KYNU: variants seen among roughly 807,000 people sequenced by gnomAD.
The protein encoded by KYNU is kynureninase, also known as L-kynurenine hydrolase.
Under a neutral mutation model 59.2 loss-of-function variants are expected in KYNU, and 54 were observed. That is an observed-to-expected ratio of 0.91 (90% CI 0.73 to 1.14). The LOEUF is 1.14. KYNU is among the 50% of genes most tolerant of loss of function. KYNU has a pLI of 0.00. For synonymous variants in KYNU, 177 were observed against 192.0 expected (o/e 0.92, Z 0.65); for missense variants, 567 against 554.4 (o/e 1.02, Z -0.23).
chr2:142,926,717 G>A (rs1041184241), intron 3 of KYNU, among the ~76,000 whole-genome samples: 4 of 152,198 alleles, frequency 2.6e-5, no homozygotes, highest in Non-Finnish European at 4.4e-5. Flanking sequence ...ACACAGACTC[G>A]TCTATGAGTT....
chr2:143,024,725 C>T (rs145464901), intron 10 of KYNU, among the ~76,000 whole-genome samples: 200 of 152,178 alleles, frequency 1.3e-3, no homozygotes, highest in African/African-American at 4.3e-3. Context: ...ATTGACCATT[C>T]TGAGTTAATC....
intron 2 of KYNU, among the ~76,000 whole-genome samples, chr2:142,914,949 G>A (rs961433958): frequency 1.3e-5 from 2 of 152,166 alleles, no homozygotes; most frequent in Non-Finnish European, 2.9e-5. Flanking sequence ...GGCTCTAAGA[G>A]CCGGGGCTTT....
chr2:143,029,876 A>T (rs1686693251), intron 11 of KYNU, among the ~76,000 whole-genome samples, 197 bp downstream of exon 11: 1 of 152,204 alleles, frequency 6.6e-6, no homozygotes, highest in Non-Finnish European at 1.5e-5. Context: ...TTTTGAGTCT[A>T]TCCCTTAGCA....
rs1369998688 is a variant in KYNU at position 143,055,583 on chromosome 2, C to CT, written c.*13412dup. On this transcript the variant is annotated 3_prime_UTR_variant, in exon 14 of 14. Transcript: ENST00000264170. ...CATATAATGTAAAATATTCATACCTCTAAGGATTAGGACATGGACATCTTT... is the reference window on the plus strand; with the variant it reads ...CATATAATGTAAAATATTCATACCTCTTAAGGATTAGGACATGGACATCTTT... 1 of 150,256 alleles carries CT rather than the reference C, an allele frequency of 6.7e-6. No homozygotes were observed. The highest frequency in any genetic ancestry group is 1.5e-5 in the Non-Finnish European group (1 of 67,818). The allele number at this position is 150,256 out of a possible 1,614,324, so 9.3% of individuals were successfully genotyped here. A position where few individuals can be genotyped will look rare whatever the true frequency, so the allele number is the denominator to read the frequency against.
At chr2:142,925,989 G>A (rs1003819997) in intron 3 of KYNU, among the ~76,000 whole-genome samples, 8 of 152,124 alleles carry the variant, frequency 5.3e-5, no homozygotes, top group Admixed American at 3.9e-4. Context: ...TGGAGACATG[G>A]ATGATGCTGG....
chr2:142,915,443 C>T lies in KYNU; in HGVS notation c.170-3166C>T, dbSNP rs187097875. On this transcript the variant is annotated intron_variant, in intron 2 of 13. Coordinates refer to ENST00000264170, the MANE Select transcript of KYNU (RefSeq NM_003937.3). ...ATTCCTTTGTTCCAAACTGCAGTTT[C>T]CTGAACTTAAGTCAAGCATGAGCTA... 5.7e-3 allele frequency among the ~76,000 whole-genome samples: 869 copies of T among 152,288 alleles called. 8 individuals are homozygous for T. The highest frequency in any genetic ancestry group is 0.02 in the African/African-American group (816 of 41,556).
intron 10 of KYNU, among the ~76,000 whole-genome samples, chr2:142,995,513 G>T: frequency 6.6e-6 from 1 of 152,068 alleles, no homozygotes; most frequent in East Asian, 1.9e-4. Context: ...GAACAAAGCA[G>T]AACAATTGTG....
intron 4 of KYNU, chr2:142,946,989 T>G (rs549383118): frequency 1.4e-4 from 202 of 1,490,904 alleles, no homozygotes; most frequent in African/African-American, 9.2e-4. Context: ...ATAGCCAACT[T>G]GAGACAAGTT....
chr2:143,045,052 G>C lies in KYNU; in HGVS notation c.*2880G>C, dbSNP rs1346409501. The C allele has an allele frequency of 6.6e-6, 1 of 151,910 alleles. No homozygotes were observed. The highest frequency in any genetic ancestry group is 1.5e-5 in the Non-Finnish European group (1 of 67,988). 9.4% of individuals were successfully genotyped at this position (151,910 alleles called of 1,614,324 possible). A position where few individuals can be genotyped will look rare whatever the true frequency, so the allele number is the denominator to read the frequency against. ...GTCCAGTTTCAGTTTTCTGCATATG[G>C]CTAGCCAGTTTTCCCAACACTATTT... is the stretch of plus-strand genomic sequence containing the variant. On this transcript the variant is annotated 3_prime_UTR_variant, in exon 14 of 14. Coordinates refer to ENST00000264170, the MANE Select transcript of KYNU (RefSeq NM_003937.3).
At chr2:142,960,889 T>TAA in intron 8 of KYNU, 119 bp downstream of exon 8, 1 of 811,556 alleles carries the variant, frequency 1.2e-6, no homozygotes. Context: ...ATTTCAAAAG[T>TAA]TAAAAAAAAA....
chr2:142,916,546 G>A lies in KYNU; in HGVS notation c.170-2063G>A, dbSNP rs145502348. Among the ~76,000 whole-genome samples the A allele has an allele frequency of 7.7e-3, 1,179 of 152,206 alleles. 10 individuals carry two copies. The highest frequency in any genetic ancestry group is 0.02 in the Middle Eastern group (6 of 294). On this transcript the variant is annotated intron_variant, in intron 2 of 13. Transcript: ENST00000264170. ...ACTGGTTACAGATCCTGCCTGCTGG[G>A]TATTAACAGAACAAATGCAGCAAAT... is the stretch of plus-strand genomic sequence containing the variant.
chr2:142,995,992 T>C (rs527239586), intron 10 of KYNU, among the ~76,000 whole-genome samples: 4 of 152,226 alleles, frequency 2.6e-5, no homozygotes, highest in African/African-American at 9.6e-5. Context: ...GCTTGCACTG[T>C]ACCAAACGTG....
intron 2 of KYNU, among the ~76,000 whole-genome samples, chr2:142,917,164 A>G (rs1014128357): frequency 1.3e-5 from 2 of 152,166 alleles, no homozygotes; most frequent in African/African-American, 4.8e-5. Flanking sequence ...GCCTTTGGGA[A>G]AAAAAGGTAA....
At chr2:142,929,359 CAAAA>C (rs5834929) in intron 4 of KYNU, among the ~76,000 whole-genome samples, 2 of 106,450 alleles carry the variant, frequency 1.9e-5, no homozygotes, top group East Asian at 5.5e-4. Context: ...TTGCCTTTCT[CAAAA>C]AAAAAAAAAA....
At chr2:142,901,124 C>T (rs1682069145) in intron 2 of KYNU, among the ~76,000 whole-genome samples, 1 of 151,220 alleles carries the variant, frequency 6.6e-6, no homozygotes, top group Admixed American at 6.6e-5. Context: ...TTTTTTGACA[C>T]ACTTCACAGG....
At chr2:143,023,972 A>G (rs1384181796) in intron 10 of KYNU, among the ~76,000 whole-genome samples, 1 of 151,814 alleles carries the variant, frequency 6.6e-6, no homozygotes, top group Non-Finnish European at 1.5e-5. Flanking sequence ...ATCAGATTGT[A>G]CTACGAAGCA....
chr2:142,982,212 A>G (rs376471199), intron 8 of KYNU, among the ~76,000 whole-genome samples: 2 of 152,144 alleles, frequency 1.3e-5, no homozygotes, highest in East Asian at 1.9e-4. Context: ...AATCGTACAC[A>G]TAGTAAACTA....
rs1224813053 is a variant in KYNU, at chr2:143,046,452, T to C, written c.*4280T>C. The C allele has an allele frequency of 6.6e-6, 1 of 152,102 alleles. No individual in the cohort carries two copies. The highest frequency in any genetic ancestry group is 1.9e-4 in the East Asian group (1 of 5,202). The allele number at this position is 152,102 out of a possible 1,614,324, so 9.4% of individuals were successfully genotyped here. A position where few individuals can be genotyped will look rare whatever the true frequency, so the allele number is the denominator to read the frequency against. ...TTAAGTTCTCCTATGTTACAAGTAA[T>C]TTTGTAAATGATGTGAGGTGGTGAT... is the stretch of plus-strand genomic sequence containing the variant. On this transcript the variant is annotated 3_prime_UTR_variant, in exon 14 of 14. Transcript: ENST00000264170.
chr2:143,029,705 C>T lies in KYNU; in HGVS notation c.955+26C>T, dbSNP rs6430000. On this transcript the variant is annotated intron_variant, in intron 11 of 13. Transcript: ENST00000264170. ...GTAAGTGTATTTATTTTACCTAATG[C>T]CATTTTTATTTTAACTTTATTTCAA... 0.99 allele frequency: 1,317,024 copies of T among 1,324,546 alleles called. 654,911 individuals are homozygous for T. Among genetic ancestry groups the T allele is most frequent in the Non-Finnish European group, 1 (915,341 of 915,726 alleles). 82.0% of individuals were successfully genotyped at this position (1,324,546 alleles called of 1,614,324 possible). A position where few individuals can be genotyped will look rare whatever the true frequency, so the allele number is the denominator to read the frequency against.
Sources: allele counts gnomAD v4.1 joint callset (sites outside exome capture counted in the v4.1 genomes callset), GRCh38; gene constraint gnomAD v4.1.1; transcripts MANE v1.5; gene names NCBI Gene and HGNC (gene_info 2026-07-23, HGNC 2026-07-21).